The following ZNF496 variants were observed in gnomAD, a reference collection of about 807,000 sequenced individuals.
ZNF496 encodes the protein zinc finger protein 496, also known as NSD1 (nuclear receptor binding SET-domain containing 1)-interacting zinc finger protein 1.
In ZNF496, 11 loss-of-function variants were observed where a neutral mutation model predicts 58.9. The ratio of observed to expected loss-of-function variants is 0.19; its 90% CI spans 0.12 to 0.31. The LOEUF (loss-of-function observed/expected upper bound fraction) is 0.31. Ranked by LOEUF, ZNF496 falls within the 10% of genes least tolerant of loss-of-function variation. ZNF496 has a pLI of 1.00. For missense variants in ZNF496, 660 were observed against 783.0 expected (o/e 0.84, Z 1.88); for synonymous variants, 338 against 318.2 (o/e 1.06, Z -0.66).
rs2103034700 is a variant in ZNF496 at position 247,329,133 on chromosome 1, C to G, written c.390+56G>C. Reference sequence around the variant, plus strand: ...CCCAGCCAGCACATGCATGGCCCAGCCAAAGTGTCTAAGTACCAGATCTCT... The same window carrying G: ...CCCAGCCAGCACATGCATGGCCCAGGCAAAGTGTCTAAGTACCAGATCTCT... On this transcript the variant is annotated intron_variant, in intron 4 of 9. Transcript: ENST00000682384. This position sits in a 1 kb window ranked among gnomAD's most constrained non-coding sequence, Gnocchi z 5.5. 1 of 1,611,578 alleles carries G rather than the reference C, an allele frequency of 6.2e-7. No individual in the cohort carries two copies. Among genetic ancestry groups the G allele is most frequent in the Middle Eastern group, 1.7e-4 (1 of 6,034 alleles).
chr1:247,307,598 GGAT>G, intron 9 of ZNF496: 1 of 985,386 alleles, frequency 1.0e-6, no homozygotes, highest in Non-Finnish European at 1.2e-6. Flanking sequence ...TTGTGGAGCA[GGAT>G]CTCATCCTTT....
rs992485106 is a variant in ZNF496 at position 247,318,330 on chromosome 1, T to C, written c.651+4824A>G. On this transcript the variant is annotated intron_variant, in intron 6 of 9. Transcript: ENST00000682384. ...GGACTAAAAAAGTACTAGAAAAATC[T>C]AGCTTAAGAATTCCCAAGCTTGGAA... Among the ~76,000 whole-genome samples the C allele has an allele frequency of 5.1e-4, 78 of 152,196 alleles. 4 individuals are homozygous for C. The highest frequency in any genetic ancestry group is 1.5e-5 in the Non-Finnish European group (1 of 68,034).
rs995314868 is a variant in ZNF496, at chr1:247,298,436, T to A, written c.*2083A>T. ...CCCAGACTCAAGCAATCCTCCCACCTCAGCCTCCAGAGTAGCTGGGACCGC... is the reference window on the plus strand; with the variant it reads ...CCCAGACTCAAGCAATCCTCCCACCACAGCCTCCAGAGTAGCTGGGACCGC... On this transcript the variant is annotated 3_prime_UTR_variant, in exon 10 of 10. Coordinates refer to ENST00000682384, the MANE Select transcript of ZNF496 (RefSeq NM_032752.3). The A allele has an allele frequency of 6.6e-6, 1 of 152,276 alleles. No homozygotes were observed. Among genetic ancestry groups the A allele is most frequent in the African/African-American group, 2.4e-5 (1 of 41,462 alleles). 9.4% of individuals were successfully genotyped at this position (152,276 alleles called of 1,614,324 possible).
rs1408080050 is a variant in ZNF496, at chr1:247,329,902, C to T, written c.-38+64G>A. On this transcript the variant is annotated intron_variant, in intron 3 of 9. Transcript: ENST00000682384. The surrounding 1 kb of genome is among the most constrained non-coding windows in gnomAD (Gnocchi z 5.5). ...GTGGTGGCATTTCAACGTGACACTG[C>T]TGTTTTGAGCATCCCAGGAAACCAA... is the stretch of plus-strand genomic sequence containing the variant. 3.5e-6 allele frequency: 1 copy of T among 281,832 alleles called. No individual in the cohort carries two copies. Among genetic ancestry groups the T allele is most frequent in the Non-Finnish European group, 6.5e-6 (1 of 152,730 alleles). The allele number at this position is 281,832 out of a possible 1,614,324, so 17.5% of individuals were successfully genotyped here. A position where few individuals can be genotyped will look rare whatever the true frequency, so the allele number is the denominator to read the frequency against.
In ZNF496 at chr1:247,310,298, A is replaced by G. The variant is rs548002996; in HGVS notation, c.784+26T>C. 11 of 1,613,712 alleles carry G rather than the reference A, an allele frequency of 6.8e-6. No individual in the cohort carries two copies. In the South Asian group the frequency reaches 1.2e-4, roughly 18 times the overall value. On this transcript the variant is annotated intron_variant, in intron 7 of 9. Transcript: ENST00000682384. ...TCCCCTGCCCAGTTCCCTGGTCTTG[A>G]GGTGTGGGGGGAAGTTAAGTCTTAC...
intron 9 of ZNF496, among the ~76,000 whole-genome samples, chr1:247,306,175 A>C (rs1374370451): frequency 2.6e-5 from 4 of 152,072 alleles, no homozygotes; most frequent in Admixed American, 6.5e-5. Context: ...ATGGGTCTGA[A>C]GCCTGACAGC....
chr1:247,301,953 G>A (rs562848189), intron 9 of ZNF496, among the ~76,000 whole-genome samples: 5 of 152,182 alleles, frequency 3.3e-5, no homozygotes, highest in African/African-American at 1.2e-4. Context: ...CAGTAGCACC[G>A]CATTTCTGAG....
At position 247,298,079 on chromosome 1, in the gene ZNF496, TAC is replaced by T. The variant is rs1309813947; in HGVS notation, c.*2438_*2439del. The T allele has an allele frequency of 6.6e-6, 1 of 152,186 alleles. No individual in the cohort carries two copies. Among genetic ancestry groups the T allele is most frequent in the Non-Finnish European group, 1.5e-5 (1 of 68,042 alleles). The allele number at this position is 152,186 out of a possible 1,614,324, so 9.4% of individuals were successfully genotyped here. ...CACACAGGTAGGTGGGGTAAACGTG[TAC>T]AGAGAGCCTGGCTTCTACTTGGAAT... On this transcript the variant is annotated 3_prime_UTR_variant, in exon 10 of 10. Coordinates refer to ENST00000682384, the MANE Select transcript of ZNF496 (RefSeq NM_032752.3).
At chr1:247,304,980 G>C (rs1286124010) in intron 9 of ZNF496, among the ~76,000 whole-genome samples, 1 of 152,190 alleles carries the variant, frequency 6.6e-6, no homozygotes, top group Non-Finnish European at 1.5e-5. Flanking sequence ...GTGCATGTGG[G>C]AAAGACATGA....
chr1:247,311,734 G>GCCCTGCCCCTGGCTTTTGGTGA (rs1659610507), intron 6 of ZNF496: 1 of 152,350 alleles, frequency 6.6e-6, no homozygotes, highest in Non-Finnish European at 1.5e-5. Flanking sequence ...GCCCTGGGTG[G>GCCCTGCCCCTGGCTTTTGGTGA]TCCCGCCCCA....
Position 247,299,155 on chromosome 1 carries a change from T to C in ZNF496, c.*1364A>G, listed in dbSNP as rs1263565888. 1 of 152,268 alleles carries C rather than the reference T, an allele frequency of 6.6e-6. No individual in the cohort carries two copies. The highest frequency in any genetic ancestry group is 1.5e-5 in the Non-Finnish European group (1 of 68,060). The allele number at this position is 152,268 out of a possible 1,614,324, so 9.4% of individuals were successfully genotyped here. A position where few individuals can be genotyped will look rare whatever the true frequency, so the allele number is the denominator to read the frequency against. ...ATGCTGTCCCTTTCAAATTCCGATG[T>C]TGAAGTCCCAACCTCTAGTACCTCA... On this transcript the variant is annotated 3_prime_UTR_variant, in exon 10 of 10. Transcript: ENST00000682384.
rs1659202951 is a variant in ZNF496, at chr1:247,300,561, C to T, written c.1722G>A (p.Leu574=). ...CCTGCTTGGAACGGCGCTTCATGTG[C>T]AGGCGCTCGTGGCGGAGGAGGTCAT... ...QNYDLLRHER[L]HMKRRSKQAL... The change falls in exon 10 of 10, where the codon CTG becomes CTA. Residue 574 remains leucine, a synonymous_variant. Transcript: ENST00000682384. This position sits in a 1 kb window ranked among gnomAD's most constrained non-coding sequence, Gnocchi z 5.7. The T allele has an allele frequency of 2.5e-6, 4 of 1,612,462 alleles. No individual in the cohort carries two copies. The highest frequency in any genetic ancestry group is 1.3e-5 in the African/African-American group (1 of 75,036).
chr1:247,322,456 GA>G (rs1659990953), intron 6 of ZNF496, among the ~76,000 whole-genome samples: 1 of 152,200 alleles, frequency 6.6e-6, no homozygotes, highest in South Asian at 2.1e-4. Context: ...GTTCCCATGG[GA>G]GGGGATGATG....
At position 247,329,308 on chromosome 1, in the gene ZNF496, G is replaced by T. The variant is rs1374720492; in HGVS notation, c.271C>A (p.Leu91Met). The T allele has an allele frequency of 2.9e-5, 47 of 1,613,558 alleles. No individual in the cohort carries two copies. The highest frequency in any genetic ancestry group is 3.8e-5 in the Non-Finnish European group (45 of 1,179,984). Residue 91 changes from leucine (L) to methionine (M), a missense_variant, in exon 4 of 10, where the codon CTG becomes ATG. Leu to Met is a conservative substitution (Grantham distance 15, BLOSUM62 2). Coordinates refer to ENST00000682384, the MANE Select transcript of ZNF496 (RefSeq NM_032752.3). The surrounding 1 kb of genome is among the most constrained non-coding windows in gnomAD (Gnocchi z 5.5). The part of the protein sequence containing the change: ...ILELLVLEQF[L>M]AILPREIQSW... Reference sequence around the variant, plus strand: ...TGGATCTCCCGGGGCAGGATGGCCAGGAACTGCTCCAGCACCAGCAGCTCC... The same window carrying T: ...TGGATCTCCCGGGGCAGGATGGCCATGAACTGCTCCAGCACCAGCAGCTCC...
intron 6 of ZNF496, 76 bp downstream of exon 6, chr1:247,323,078 G>T: frequency 6.5e-6 from 8 of 1,233,722 alleles, no homozygotes; most frequent in Non-Finnish European, 9.4e-6. Flanking sequence ...AAGCTGGCTG[G>T]GGTCCTAAGA....
At chr1:247,302,623 G>A (rs974563353) in intron 9 of ZNF496, among the ~76,000 whole-genome samples, 2 of 150,832 alleles carry the variant, frequency 1.3e-5, no homozygotes, top group African/African-American at 2.4e-5. Context: ...TTACAGGTGT[G>A]AGCCACTGCG....
chr1:247,304,931 T>C (rs1283546840), intron 9 of ZNF496, among the ~76,000 whole-genome samples: 1 of 151,928 alleles, frequency 6.6e-6, no homozygotes, highest in Non-Finnish European at 1.5e-5. Context: ...CTGAAACAGG[T>C]TGAGAATTTG....
intron 6 of ZNF496, among the ~76,000 whole-genome samples, chr1:247,316,175 C>CTG (rs1430167635): frequency 2.6e-5 from 2 of 77,252 alleles, no homozygotes; most frequent in East Asian, 8.4e-4. Flanking sequence ...TGTGTGTGCA[C>CTG]GACTTCCTGG....
chr1:247,328,632 G>C (rs890948764), intron 5 of ZNF496, 51 bp downstream of exon 5: 1 of 1,480,572 alleles, frequency 6.8e-7, no homozygotes, highest in Non-Finnish European at 9.0e-7. Context: ...GCACAGTATG[G>C]GGTGTGCACT....
Sources: allele counts gnomAD v4.1 joint callset (sites outside exome capture counted in the v4.1 genomes callset), GRCh38; gene constraint gnomAD v4.1.1; non-coding constraint Gnocchi (gnomAD v3.1); transcripts MANE v1.5; gene names NCBI Gene and HGNC (gene_info 2026-07-23, HGNC 2026-07-21).